NEDD4L: variants seen among roughly 807,000 people sequenced by gnomAD.
NEDD4L encodes the protein NEDD4 like E3 ubiquitin protein ligase, also known as E3 ubiquitin-protein ligase NEDD4-like.
In NEDD4L, 54 loss-of-function variants were observed where a neutral mutation model predicts 148.9. The observed-to-expected ratio is 0.36, with a 90% confidence interval of 0.29 to 0.45. NEDD4L has a LOEUF of 0.45. Ranked by LOEUF, NEDD4L falls within the 20% of genes least tolerant of loss-of-function variation. The probability of loss-of-function intolerance (pLI) is 1.00; values close to 1 mark genes in which losing one functional copy is unlikely to be tolerated. For missense variants in NEDD4L, 856 were observed against 1,233.8 expected (o/e 0.69, Z 4.59); for synonymous variants, 433 against 440.7 (o/e 0.98, Z 0.22).
At chr18:58,315,869 A>G (rs2058203122) in intron 5 of NEDD4L, 113 bp from the exon 6 acceptor site, 4 of 955,102 alleles carry the variant, frequency 4.2e-6, no homozygotes, top group South Asian at 2.6e-5. Context: ...CGCCCTCCAC[A>G]TTCCAGTGCC....
chr18:58,083,362 A>G (rs1176185808), intron 1 of NEDD4L, among the ~76,000 whole-genome samples: 1 of 152,140 alleles, frequency 6.6e-6, no homozygotes, highest in Non-Finnish European at 1.5e-5. Context: ...GATGGAAGTA[A>G]GACTTTAAAT....
At chr18:58,280,240 G>C (rs1299848521) in intron 5 of NEDD4L, among the ~76,000 whole-genome samples, 2 of 152,120 alleles carry the variant, frequency 1.3e-5, no homozygotes, top group Non-Finnish European at 2.9e-5. Flanking sequence ...TTGCCTCTGG[G>C]TGTGTGGCCC....
intron 19 of NEDD4L, among the ~76,000 whole-genome samples, chr18:58,362,792 A>G (rs1406501897): frequency 6.6e-6 from 1 of 152,232 alleles, no homozygotes; most frequent in Admixed American, 6.5e-5. Flanking sequence ...TAGAGAGGAA[A>G]TCTTAGTTTG....
intron 1 of NEDD4L, among the ~76,000 whole-genome samples, chr18:58,074,788 A>C (rs558343891): frequency 3.9e-5 from 6 of 152,322 alleles, no homozygotes; most frequent in African/African-American, 1.4e-4. Flanking sequence ...CTGTATATTA[A>C]GACAAGAAGA....
intron 1 of NEDD4L, among the ~76,000 whole-genome samples, chr18:58,114,151 A>G (rs967094622): frequency 1.3e-5 from 2 of 152,082 alleles, no homozygotes; most frequent in Non-Finnish European, 2.9e-5. Flanking sequence ...TTCTTAAACA[A>G]CTCTGAGTGA....
At chr18:58,098,867 A>G (rs926862946) in intron 1 of NEDD4L, among the ~76,000 whole-genome samples, 4 of 152,162 alleles carry the variant, frequency 2.6e-5, no homozygotes, top group Admixed American at 2.0e-4. Context: ...CAGTTTCCCA[A>G]TGTGTTAAAG....
intron 1 of NEDD4L, among the ~76,000 whole-genome samples, chr18:58,141,517 T>A (rs1670070669): frequency 1.3e-5 from 2 of 152,156 alleles, no homozygotes; most frequent in Admixed American, 1.3e-4. Flanking sequence ...ACTTTATGTG[T>A]TGATGGTTTA....
At chr18:58,060,413 A>G (rs2082279777) in intron 1 of NEDD4L, among the ~76,000 whole-genome samples, 1 of 152,080 alleles carries the variant, frequency 6.6e-6, no homozygotes, top group African/African-American at 2.4e-5. Flanking sequence ...TGGGCCCGGC[A>G]ATCTGGGCTT....
intron 24 of NEDD4L, among the ~76,000 whole-genome samples, chr18:58,380,763 C>T (rs1178196065): frequency 3.3e-5 from 5 of 152,116 alleles, no homozygotes; most frequent in African/African-American, 4.8e-5. Flanking sequence ...GTGATGTTCC[C>T]CTCCCTGTGT....
chr18:58,209,152 G>A (rs2042255112), intron 2 of NEDD4L, among the ~76,000 whole-genome samples: 1 of 131,030 alleles, frequency 7.6e-6, no homozygotes, highest in Non-Finnish European at 1.7e-5. Flanking sequence ...TCAGGAAATG[G>A]AAGCAATTCC....
chr18:58,239,799 A>C (rs1197950831), intron 2 of NEDD4L, among the ~76,000 whole-genome samples: 1 of 152,216 alleles, frequency 6.6e-6, no homozygotes, highest in African/African-American at 2.4e-5. Flanking sequence ...AAGACCCTTG[A>C]ATAAGATTTC....
chr18:58,341,615 C>G, intron 14 of NEDD4L, 63 bp from the exon 15 acceptor site: 3 of 1,562,664 alleles, frequency 1.9e-6, no homozygotes, highest in Non-Finnish European at 2.6e-6. Flanking sequence ...TGGGTTCGCG[C>G]TCCTAATCAC....
intron 1 of NEDD4L, among the ~76,000 whole-genome samples, chr18:58,094,833 A>G (rs2145369765): frequency 6.6e-6 from 1 of 151,766 alleles, no homozygotes; most frequent in African/African-American, 2.4e-5. Flanking sequence ...AGATGATTCC[A>G]AATTACGGCT....
At position 58,389,229 on chromosome 18, in the gene NEDD4L, C is replaced by T. The variant is rs765625985; in HGVS notation, c.2655+37C>T. ...GCCCAGCCCCAGCCGGTGTCCTCCA[C>T]CTGAGGCAGGATTGAGGGCTGTGTG... is the stretch of plus-strand genomic sequence containing the variant. On this transcript the variant is annotated intron_variant, in intron 28 of 30. Coordinates refer to ENST00000400345, the MANE Select transcript of NEDD4L (RefSeq NM_001144967.3). 5.4e-6 allele frequency: 8 copies of T among 1,490,060 alleles called. No individual in the cohort carries two copies. In the South Asian group the frequency reaches 8.0e-5, roughly 15 times the overall value. The allele number at this position is 1,490,060 out of a possible 1,614,324, so 92.3% of individuals were successfully genotyped here.
intron 5 of NEDD4L, among the ~76,000 whole-genome samples, chr18:58,284,621 T>G (rs966427632): frequency 6.6e-6 from 1 of 152,226 alleles, no homozygotes; most frequent in Non-Finnish European, 1.5e-5. Context: ...CCCAGTCTTA[T>G]GGGCAAGCTG....
At chr18:58,245,846 A>ATTTTTTT (rs58940181) in intron 3 of NEDD4L, among the ~76,000 whole-genome samples, 66 of 91,508 alleles carry the variant, frequency 7.2e-4, no homozygotes, top group African/African-American at 2.1e-3. Flanking sequence ...ATGCCTGGCT[A>ATTTTTTT]TTTTTTTTTT....
intron 24 of NEDD4L, among the ~76,000 whole-genome samples, chr18:58,379,769 T>G (rs2048088704): frequency 6.6e-6 from 1 of 152,142 alleles, no homozygotes; most frequent in Non-Finnish European, 1.5e-5. Context: ...CTCATGAAAG[T>G]GTCGCCGTAA....
chr18:58,354,038 T>C (rs959878672), intron 18 of NEDD4L, among the ~76,000 whole-genome samples: 7 of 152,242 alleles, frequency 4.6e-5, no homozygotes, highest in Non-Finnish European at 1.0e-4. Context: ...ATCATAAAGA[T>C]TTAATTTCAA....
chr18:58,273,179 G>C (rs1001219031), intron 5 of NEDD4L, among the ~76,000 whole-genome samples: 4 of 152,202 alleles, frequency 2.6e-5, no homozygotes, highest in African/African-American at 9.7e-5. Flanking sequence ...GATGAGCTTA[G>C]GGGAAAACAG....
Sources: allele counts gnomAD v4.1 joint callset (sites outside exome capture counted in the v4.1 genomes callset), GRCh38; gene constraint gnomAD v4.1.1; transcripts MANE v1.5; gene names NCBI Gene and HGNC (gene_info 2026-07-23, HGNC 2026-07-21).